The following FAM124B variants were observed in gnomAD, a reference collection of about 807,000 sequenced individuals.
The protein encoded by FAM124B is family with sequence similarity 124 member B, also known as protein FAM124B.
In FAM124B, 18 loss-of-function variants were observed where a neutral mutation model predicts 19.7. The observed-to-expected ratio is 0.92, with a 90% CI of 0.63 to 1.36. The LOEUF (loss-of-function observed/expected upper bound fraction) is 1.36, where lower values mean the gene tolerates loss of function less well. FAM124B is among the 40% of genes most tolerant of loss of function. FAM124B has a pLI of 0.00. For missense variants in FAM124B, 540 were observed against 553.3 expected (o/e 0.98, Z 0.24); for synonymous variants, 223 against 225.2 (o/e 0.99, Z 0.09).
At chr2:224,390,889 G>C (rs796776699) in intron 1 of FAM124B, among the ~76,000 whole-genome samples, 297 of 151,410 alleles carry the variant, frequency 2.0e-3, no homozygotes, top group African/African-American at 6.8e-3. Flanking sequence ...TTTTGTAGTA[G>C]AGACGGGGTT....
At chr2:224,385,837 T>C (rs149448153) in intron 1 of FAM124B, among the ~76,000 whole-genome samples, 106 of 152,296 alleles carry the variant, frequency 7.0e-4, no homozygotes, top group Non-Finnish European at 1.2e-3. Context: ...CTTCCTCTTA[T>C]AGATCGCTGA....
chr2:224,379,300 A>T lies in FAM124B; in HGVS notation c.*273T>A. 1 of 391,044 alleles carries T rather than the reference A, an allele frequency of 2.6e-6. No individual in the cohort carries two copies. Among genetic ancestry groups the T allele is most frequent in the Non-Finnish European group, 4.6e-6 (1 of 216,852 alleles). The allele number at this position is 391,044 out of a possible 1,614,324, so 24.2% of individuals were successfully genotyped here. A position where few individuals can be genotyped will look rare whatever the true frequency, so the allele number is the denominator to read the frequency against. On this transcript the variant is annotated 3_prime_UTR_variant, in exon 2 of 2. Transcript: ENST00000409685. The stretch of plus-strand genomic sequence containing the variant: ...TCCTGATAGGTGCTGGATTCAACAC[A>T]TCCAGCTGGGTTAGTGCATCTCCAC...
intron 1 of FAM124B, among the ~76,000 whole-genome samples, chr2:224,386,006 C>T (rs143040975): frequency 4.7e-4 from 71 of 152,298 alleles, no homozygotes; most frequent in African/African-American, 1.6e-3. Context: ...TTGGATCACA[C>T]CACACCATCG....
chr2:224,400,376 C>T (rs1273790638), intron 1 of FAM124B: 19 of 654,794 alleles, frequency 2.9e-5, no homozygotes, highest in African/African-American at 5.4e-5. Flanking sequence ...CATGGCGGCA[C>T]GTGCCTGTAG....
Position 224,393,806 on chromosome 2 carries a change from C to T in FAM124B, c.732+7231G>A, listed in dbSNP as rs575360893. Among the ~76,000 whole-genome samples the T allele has an allele frequency of 2.0e-5, 3 of 152,322 alleles. No homozygotes were observed. The South Asian group carries it at 6.2e-4, about 32-fold the overall frequency. On this transcript the variant is annotated intron_variant, in intron 1 of 1. Transcript: ENST00000409685. ...TTCTTTGGGGGGTTTTTCCCCACCT[C>T]TTTGTCCTCAACTCTTCAGAAAGAT...
chr2:224,379,903 C>T lies in FAM124B; in HGVS notation c.1038G>A (p.Lys346=), dbSNP rs757115661. The T allele has an allele frequency of 3.2e-6, 5 of 1,551,722 alleles. No homozygotes were observed. The highest frequency in any genetic ancestry group is 3.5e-6 in the Non-Finnish European group (4 of 1,146,990). The part of the protein sequence containing the change: ...SHHLESGARM[K]VLNRENSFQK... ...GAAAGCTGTTTTCCCGGTTGAGGAC[C>T]TTCATTCTGGCCCCGGATTCAAGGT... Residue 346 remains lysine (K), a synonymous_variant, in exon 2 of 2, where the codon AAG becomes AAA. Coordinates refer to ENST00000409685, the MANE Select transcript of FAM124B (RefSeq NM_001122779.2).
intron 1 of FAM124B, among the ~76,000 whole-genome samples, chr2:224,397,407 G>A (rs781612073): frequency 1.3e-4 from 20 of 152,130 alleles, no homozygotes; most frequent in Non-Finnish European, 2.5e-4. Flanking sequence ...GCCCAGTCTC[G>A]GGTATGTCTT....
In FAM124B at chr2:224,401,660, G is replaced by C. The variant is rs759472745; in HGVS notation, c.109C>G (p.Pro37Ala). 1 of 1,614,182 alleles carries C rather than the reference G, an allele frequency of 6.2e-7. No homozygotes were observed. The highest frequency in any genetic ancestry group is 1.7e-5 in the Admixed American group (1 of 60,020). ...GACACCTGAAAGAGCCGGACCTCTG[G>C]GCAAATGCAATCCAGGAGCTGGTCC... ...TLDQLLDCIC[P>A]EVRLFQVSER... The change falls in exon 1 of 2, where the codon CCA becomes GCA. Residue 37 changes from proline (P) to alanine (A), a missense_variant. By Grantham distance (27) the Pro-to-Ala change is conservative. Transcript: ENST00000409685.
At position 224,379,115 on chromosome 2, in the gene FAM124B, CAA is replaced by C. The variant is rs1031878175; in HGVS notation, c.*456_*457del. The C allele has an allele frequency of 1.3e-4, 20 of 155,418 alleles. No homozygotes were observed. The highest frequency in any genetic ancestry group is 4.8e-4 in the African/African-American group (20 of 41,540). The allele number at this position is 155,418 out of a possible 1,614,324, so 9.6% of individuals were successfully genotyped here. A position where few individuals can be genotyped will look rare whatever the true frequency, so the allele number is the denominator to read the frequency against. ...GGGTATGTGAACAAGGCCTAGTTAC[CAA>C]AAGAGGTCACATGAAAATTAAAAAG... On this transcript the variant is annotated 3_prime_UTR_variant, in exon 2 of 2. Coordinates refer to ENST00000409685, the MANE Select transcript of FAM124B (RefSeq NM_001122779.2).
chr2:224,383,457 T>C (rs1056303331), intron 1 of FAM124B, among the ~76,000 whole-genome samples: 10 of 152,090 alleles, frequency 6.6e-5, no homozygotes, highest in African/African-American at 2.2e-4. Context: ...TCCCCTCCTT[T>C]CTTCCTTCTC....
Position 224,397,677 on chromosome 2 carries a change from G to A in FAM124B, c.732+3360C>T, listed in dbSNP as rs560330404. ...CTGAGGTGGTCTTAGATGGAGATGAGGAGCTTATTGGGAACTGGAACAAAG... is the reference window on the plus strand; with the variant it reads ...CTGAGGTGGTCTTAGATGGAGATGAAGAGCTTATTGGGAACTGGAACAAAG... On this transcript the variant is annotated intron_variant, in intron 1 of 1. Transcript: ENST00000409685. Among the ~76,000 whole-genome samples, 35 of 152,312 alleles carry A rather than the reference G, an allele frequency of 2.3e-4. No individual in the cohort carries two copies. In the South Asian group the frequency reaches 6.8e-3, roughly 30 times the overall value.
chr2:224,400,613 G>T, intron 1 of FAM124B: 1 of 607,706 alleles, frequency 1.6e-6, no homozygotes. Flanking sequence ...TGAGCCCAAA[G>T]AGTAAACAAA....
intron 1 of FAM124B, among the ~76,000 whole-genome samples, chr2:224,383,580 T>G (rs777804136): frequency 6.6e-6 from 1 of 152,188 alleles, no homozygotes; most frequent in Non-Finnish European, 1.5e-5. Flanking sequence ...AATTTCATTG[T>G]ACAAATGTAT....
intron 1 of FAM124B, among the ~76,000 whole-genome samples, chr2:224,398,466 C>G (rs1225496261): frequency 1.3e-5 from 2 of 152,170 alleles, no homozygotes; most frequent in Non-Finnish European, 2.9e-5. Context: ...AATGTGTTGT[C>G]TTTGGATTAT....
At chr2:224,393,564 C>A (rs1436517446) in intron 1 of FAM124B, among the ~76,000 whole-genome samples, 1 of 151,942 alleles carries the variant, frequency 6.6e-6, no homozygotes, top group African/African-American at 2.4e-5. Context: ...AAGCAGTCAC[C>A]CTTATCAAGG....
intron 1 of FAM124B, among the ~76,000 whole-genome samples, chr2:224,383,554 T>A (rs1689757654): frequency 6.6e-6 from 1 of 152,134 alleles, no homozygotes; most frequent in African/African-American, 2.4e-5. Context: ...AAGTAGTAAT[T>A]TATCACCATA....
intron 1 of FAM124B, among the ~76,000 whole-genome samples, chr2:224,384,861 A>T (rs1689777928): frequency 6.6e-6 from 1 of 152,050 alleles, no homozygotes; most frequent in Non-Finnish European, 1.5e-5. Flanking sequence ...TGACCTATCA[A>T]TTATTCATTT....
chr2:224,386,624 T>C (rs1327732881), intron 1 of FAM124B, among the ~76,000 whole-genome samples: 5 of 152,236 alleles, frequency 3.3e-5, no homozygotes, highest in Non-Finnish European at 5.9e-5. Context: ...ATCTGAGTAC[T>C]CGCCATGCCA....
chr2:224,400,126 T>G (rs1690038975), intron 1 of FAM124B: 1 of 215,496 alleles, frequency 4.6e-6, no homozygotes, highest in South Asian at 1.8e-4. Context: ...GTGGTAAAAT[T>G]TGACAGTGAT....
Sources: allele counts gnomAD v4.1 joint callset (sites outside exome capture counted in the v4.1 genomes callset), GRCh38; gene constraint gnomAD v4.1.1; transcripts MANE v1.5; gene names NCBI Gene and HGNC (gene_info 2026-07-23, HGNC 2026-07-21).